The following TAC3 variants were observed in gnomAD, a reference collection of about 807,000 sequenced individuals.
The protein encoded by TAC3 is tachykinin precursor 3, also known as tachykinin-3.
In TAC3, 9 loss-of-function variants were observed where a neutral mutation model predicts 16.5. The observed-to-expected ratio is 0.55, with a 90% CI of 0.33 to 0.95. TAC3 has a LOEUF of 0.95. TAC3 is among the 40% of genes least tolerant of loss of function. The pLI is 0.03. For synonymous variants in TAC3, 52 were observed against 56.7 expected (o/e 0.92, Z 0.37); for missense variants, 129 against 149.1 (o/e 0.87, Z 0.70).
chr12:57,014,789 C>T (rs1438078245), intron 2 of TAC3, among the ~76,000 whole-genome samples: 1 of 152,050 alleles, frequency 6.6e-6, no homozygotes, highest in Non-Finnish European at 1.5e-5. Flanking sequence ...ACTCCCTTGG[C>T]CCAGCATGTG....
At position 57,010,091 on chromosome 12, in the gene TAC3, G is replaced by A. The variant is rs1956277107; in HGVS notation, c.*199C>T. On this transcript the variant is annotated 3_prime_UTR_variant, in exon 7 of 7. Coordinates refer to ENST00000458521, the MANE Select transcript of TAC3 (RefSeq NM_013251.4). The stretch of plus-strand genomic sequence containing the variant: ...TACAGGAACTCTAGGGTATTCTACA[G>A]TCAATGCCCATTGGGGTTGGGGATA... The A allele has an allele frequency of 2.2e-6, 1 of 454,068 alleles. No individual in the cohort carries two copies. Among genetic ancestry groups the A allele is most frequent in the South Asian group, 1.6e-5 (1 of 64,472 alleles). 28.1% of individuals were successfully genotyped at this position (454,068 alleles called of 1,614,324 possible). A position where few individuals can be genotyped will look rare whatever the true frequency, so the allele number is the denominator to read the frequency against.
At chr12:57,011,302 C>T (rs1453643217) in intron 6 of TAC3, among the ~76,000 whole-genome samples, 1 of 152,196 alleles carries the variant, frequency 6.6e-6, no homozygotes, top group Non-Finnish European at 1.5e-5. Context: ...GTAACAGGGA[C>T]ACAGAGAGAA....
In TAC3 at chr12:57,010,296, C is replaced by A; in HGVS notation, c.*2-8G>T. 2.1e-5 allele frequency: 8 copies of A among 387,624 alleles called. No individual in the cohort carries two copies. Among genetic ancestry groups the A allele is most frequent in the East Asian group, 7.6e-5 (1 of 13,200 alleles). 24.0% of individuals were successfully genotyped at this position (387,624 alleles called of 1,614,324 possible). A position where few individuals can be genotyped will look rare whatever the true frequency, so the allele number is the denominator to read the frequency against. On this transcript the variant is annotated splice_polypyrimidine_tract_variant and splice_region_variant and intron_variant, in intron 6 of 6. Transcript: ENST00000458521. ...GAGTCCGGAAGTGGAGTACTGAGGACAAAAAACAAAACAAAACAAAAAAAA... is the reference window on the plus strand; with the variant it reads ...GAGTCCGGAAGTGGAGTACTGAGGAAAAAAAACAAAACAAAACAAAAAAAA...
intron 1 of TAC3, 86 bp downstream of exon 1, chr12:57,016,301 C>T: frequency 2.7e-6 from 1 of 366,366 alleles, no homozygotes; most frequent in South Asian, 2.0e-5. Flanking sequence ...CTATCAGAGG[C>T]TGCCATCTGC....
chr12:57,012,484 G>T, intron 5 of TAC3, 32 bp from the exon 6 acceptor site: 1 of 1,612,692 alleles, frequency 6.2e-7, no homozygotes. Context: ...AAGTAAGAGG[G>T]ATCTTTCTGA....
At chr12:57,013,144 C>G in intron 4 of TAC3, 2 of 729,230 alleles carry the variant, frequency 2.7e-6, no homozygotes, top group Non-Finnish European at 4.6e-6. Flanking sequence ...TTCCAAGGAC[C>G]AGCCAGCAGA....
intron 1 of TAC3, 80 bp downstream of exon 1, chr12:57,016,307 T>C (rs1041354217): frequency 6.8e-5 from 25 of 367,720 alleles, no homozygotes; most frequent in African/African-American, 5.2e-4. Flanking sequence ...GAGGCTGCCA[T>C]CTGCTTTATT....
At position 57,012,373 on chromosome 12, in the gene TAC3, C is replaced by G. The variant is rs1482050018; in HGVS notation, c.*1+5G>C. ...CCTCTCCCCTCTCTAATGAACAATCCTTACCCTATTCTGCTCTCGGGGGAT... is the reference window on the plus strand; with the variant it reads ...CCTCTCCCCTCTCTAATGAACAATCGTTACCCTATTCTGCTCTCGGGGGAT... On this transcript the variant is annotated splice_donor_5th_base_variant and intron_variant, in intron 6 of 6. Coordinates refer to ENST00000458521, the MANE Select transcript of TAC3 (RefSeq NM_013251.4). 3 of 1,613,512 alleles carry G rather than the reference C, an allele frequency of 1.9e-6. No homozygotes were observed. Among genetic ancestry groups the G allele is most frequent in the African/African-American group, 1.3e-5 (1 of 74,878 alleles).
Position 57,010,296 on chromosome 12 carries a change from C to CA in TAC3, c.*2-9dup, listed in dbSNP as rs375497592. 4.2e-4 allele frequency: 162 copies of CA among 387,646 alleles called. 1 individual carries two copies. The highest frequency in any genetic ancestry group is 2.7e-3 in the African/African-American group (125 of 46,948). 24.0% of individuals were successfully genotyped at this position (387,646 alleles called of 1,614,324 possible). On this transcript the variant is annotated splice_polypyrimidine_tract_variant and intron_variant, in intron 6 of 6. Transcript: ENST00000458521. ...GAGTCCGGAAGTGGAGTACTGAGGA[C>CA]AAAAAACAAAACAAAACAAAAAAAA...
chr12:57,016,046 A>G (rs1026805472), intron 1 of TAC3, among the ~76,000 whole-genome samples: 2 of 152,164 alleles, frequency 1.3e-5, no homozygotes. Flanking sequence ...GTGCAATGCT[A>G]TAGTGGTGCC....
chr12:57,015,768 G>C lies in TAC3; in HGVS notation c.30C>G (p.Ile10Met), dbSNP rs1956364183. 1.2e-6 allele frequency: 2 copies of C among 1,614,078 alleles called. No individual in the cohort carries two copies. The highest frequency in any genetic ancestry group is 2.2e-5 in the South Asian group (2 of 91,090). ...AGCTCTGAGCTAGGCTGAAGGCCAG[G>C]ATGGCTGTGAATAGCAGCATGATCC... is the stretch of plus-strand genomic sequence containing the variant. MRIMLLFTA[I>M]LAFSLAQSFG... The change falls in exon 2 of 7, where the codon ATC becomes ATG. Residue 10 changes from isoleucine (I) to methionine (M), a missense_variant. Physicochemically the swap from Ile to Met is conservative, Grantham distance 10. Transcript: ENST00000458521.
chr12:57,010,886 TG>T (rs1396469178), intron 6 of TAC3: 1 of 152,248 alleles, frequency 6.6e-6, no homozygotes, highest in African/African-American at 2.4e-5. Context: ...GCTGCAATTA[TG>T]GGTCCCTCTG....
intron 6 of TAC3, chr12:57,012,154 C>T (rs990815050): frequency 7.1e-6 from 4 of 564,998 alleles, no homozygotes; most frequent in African/African-American, 5.6e-5. Context: ...TAGTCAGCTG[C>T]CGTCCATGAT....
At chr12:57,014,380 A>ATTTC (rs1489461707) in intron 2 of TAC3, among the ~76,000 whole-genome samples, 1 of 152,136 alleles carries the variant, frequency 6.6e-6, no homozygotes, top group Non-Finnish European at 1.5e-5. Context: ...CTCTTTCCAG[A>ATTTC]ACCCAGGCAT....
At chr12:57,011,976 C>T (rs930031477) in intron 6 of TAC3, among the ~76,000 whole-genome samples, 1 of 152,224 alleles carries the variant, frequency 6.6e-6, no homozygotes, top group Non-Finnish European at 1.5e-5. Context: ...GCTCAGCCTG[C>T]CTGGGAGGCA....
chr12:57,014,037 C>T (rs1380342722), intron 2 of TAC3, among the ~76,000 whole-genome samples: 2 of 152,154 alleles, frequency 1.3e-5, no homozygotes, highest in African/African-American at 4.8e-5. Flanking sequence ...TGTTTCTCTC[C>T]CTGTTTTCCA....
At chr12:57,012,572 G>A (rs748343084) in intron 5 of TAC3, 120 bp from the exon 6 acceptor site, 2 of 1,604,190 alleles carry the variant, frequency 1.2e-6, no homozygotes, top group African/African-American at 1.3e-5. Flanking sequence ...GGGAGACTGG[G>A]GTGGAAGCAG....
chr12:57,010,303 C>A lies in TAC3; in HGVS notation c.*2-15G>T, dbSNP rs1283065597. On this transcript the variant is annotated splice_polypyrimidine_tract_variant and intron_variant, in intron 6 of 6. Transcript: ENST00000458521. Reference sequence around the variant, plus strand: ...GAAGTGGAGTACTGAGGACAAAAAACAAAACAAAACAAAAAAAAACACTGA... The same window carrying A: ...GAAGTGGAGTACTGAGGACAAAAAAAAAAACAAAACAAAAAAAAACACTGA... 2.3e-5 allele frequency: 9 copies of A among 386,774 alleles called. No individual in the cohort carries two copies. The highest frequency in any genetic ancestry group is 9.7e-5 in the Admixed American group (3 of 30,918). 24.0% of individuals were successfully genotyped at this position (386,774 alleles called of 1,614,324 possible).
At chr12:57,014,549 C>T (rs2122694) in intron 2 of TAC3, among the ~76,000 whole-genome samples, 8,856 of 152,232 alleles carry the variant, frequency 0.058, 394 homozygotes, top group Middle Eastern at 0.13. Flanking sequence ...ATGGCAATCC[C>T]TCTCATTCAT....
Sources: gnomAD v4.1 joint callset for allele counts (sites outside exome capture counted in the v4.1 genomes callset) on GRCh38, gnomAD v4.1.1 for gene constraint, MANE v1.5 for transcripts, NCBI Gene and HGNC (gene_info 2026-07-23, HGNC 2026-07-21) for gene names.